Variants in KIAA2012 observed in about 807,000 individuals in gnomAD.
KIAA2012 encodes the protein KIAA2012, also known as uncharacterized protein KIAA2012.
Under a neutral mutation model 150.6 loss-of-function variants are expected in KIAA2012, and 125 were observed. The observed-to-expected ratio is 0.83, with a 90% CI of 0.72 to 0.96. KIAA2012 has a LOEUF of 0.96. Among genes scored for constraint, KIAA2012 ranks in the 40% least tolerant of loss-of-function variants. KIAA2012 has a pLI of 0.00. For missense variants in KIAA2012, 1,219 were observed against 1,354.9 expected, an observed-to-expected ratio of 0.90 and a Z score of 1.57; for synonymous variants, 462 against 504.7, an observed-to-expected ratio of 0.92 and a Z score of 1.13.
rs1016224737 is a variant in KIAA2012, at chr2:202,194,306, G to A, written c.3131G>A (p.Arg1044Gln). Residue 1044 changes from arginine (R) to glutamine (Q), a missense_variant, in exon 21 of 24, where the codon CGG becomes CAG. Transcript: ENST00000498697. ...GCCCGGCAACAGCAAGAGGAGTTTCGGAGGAAACTGCGAGAACTACAGAGA... is the reference window on the plus strand; with the variant it reads ...GCCCGGCAACAGCAAGAGGAGTTTCAGAGGAAACTGCGAGAACTACAGAGA... ...ERARQQQEEF[R>Q]RKLRELQRKK... The A allele has an allele frequency of 1.3e-5, 20 of 1,550,502 alleles. 1 individual carries two copies. Among genetic ancestry groups the A allele is most frequent in the African/African-American group, 5.5e-5 (4 of 73,126 alleles).
At chr2:202,201,843 A>G in intron 22 of KIAA2012, 1 of 1,282,798 alleles carries the variant, frequency 7.8e-7, no homozygotes, top group Non-Finnish European at 1.1e-6. Context: ...AGGAGGCTGC[A>G]CAGGCTAGGT....
intron 15 of KIAA2012, among the ~76,000 whole-genome samples, chr2:202,174,356 G>A (rs1012542096): frequency 6.6e-6 from 1 of 151,942 alleles, no homozygotes; most frequent in South Asian, 2.1e-4. Flanking sequence ...TAGCCAGAAC[G>A]GTAAAGAAAC....
chr2:202,197,825 C>T (rs1469290041), intron 22 of KIAA2012: 1 of 147,282 alleles, frequency 6.8e-6, no homozygotes, highest in Non-Finnish European at 1.5e-5. Context: ...AATCAAGTCA[C>T]CACACTCCAG....
Position 202,187,085 on chromosome 2 carries a change from C to T in KIAA2012, c.2363C>T (p.Ala788Val), listed in dbSNP as rs866829392. 6.5e-7 allele frequency: 1 copy of T among 1,550,328 alleles called. No homozygotes were observed. Among genetic ancestry groups the T allele is most frequent in the African/African-American group, 1.4e-5 (1 of 73,028 alleles). The stretch of plus-strand genomic sequence containing the variant: ...AGACTGTTTAGCCAGGAGACATCAG[C>T]CAACATCAGTCATGTGAGTGTAAAC... The part of the protein sequence containing the change: ...EPRLFSQETS[A>V]NISHERDLIN... Residue 788 changes from alanine (A) to valine (V), a missense_variant, in exon 17 of 24, where the codon GCC (alanine) becomes GTC (valine). Transcript: ENST00000498697.
At chr2:202,191,229 A>G (rs1466704791) in intron 19 of KIAA2012, among the ~76,000 whole-genome samples, 1 of 151,852 alleles carries the variant, frequency 6.6e-6, no homozygotes, top group Non-Finnish European at 1.5e-5. Flanking sequence ...GTGAGCCGAG[A>G]TCACACCACT....
At position 202,115,896 on chromosome 2, in the gene KIAA2012, A is replaced by T. The variant is rs1027919724; in HGVS notation, c.1762+2450A>T. On this transcript the variant is annotated intron_variant, in intron 11 of 23. Coordinates refer to ENST00000498697, the MANE Select transcript of KIAA2012 (RefSeq NM_001277372.4). ...TTCTTTCAGACAGCATAGGGAAATG[A>T]ATATAAACCTTCAGAAGGAAAAAAA... 3.0e-5 allele frequency: 4 copies of T among 135,370 alleles called. No individual in the cohort carries two copies. In the Admixed American group the frequency reaches 3.1e-4, roughly 10 times the overall value. The allele number at this position is 135,370 out of a possible 1,614,324, so 8.4% of individuals were successfully genotyped here.
intron 22 of KIAA2012, among the ~76,000 whole-genome samples, chr2:202,199,919 AAT>A (rs1692483015): frequency 3.2e-5 from 3 of 94,664 alleles, no homozygotes; most frequent in African/African-American, 1.3e-4. Flanking sequence ...TGCCCCTCAT[AAT>A]TTTTTTTTTT....
chr2:202,076,114 C>A (rs991793792), intron 2 of KIAA2012, among the ~76,000 whole-genome samples: 2 of 152,194 alleles, frequency 1.3e-5, no homozygotes, highest in African/African-American at 4.8e-5. Flanking sequence ...AACTTAAATA[C>A]CATCCCCTCA....
At chr2:202,203,792 C>T (rs1299878956) in intron 23 of KIAA2012, among the ~76,000 whole-genome samples, 6 of 146,086 alleles carry the variant, frequency 4.1e-5, no homozygotes, top group African/African-American at 1.0e-4. Flanking sequence ...TTTTTTGAGA[C>T]GGAGTCTCGC....
chr2:202,204,076 G>GT (rs143485165), intron 23 of KIAA2012, among the ~76,000 whole-genome samples: 78 of 139,438 alleles, frequency 5.6e-4, no homozygotes, highest in South Asian at 1.2e-3. Context: ...GCGGTTTTTT[G>GT]TTTTTTTTTT....
At chr2:202,102,885 C>A in intron 7 of KIAA2012, 61 bp from the exon 8 acceptor site, 1 of 1,450,046 alleles carries the variant, frequency 6.9e-7, no homozygotes, top group Non-Finnish European at 9.4e-7. Flanking sequence ...TATCGTTTGC[C>A]CCTGCAGGCA....
chr2:202,188,355 G>A (rs147778267), intron 18 of KIAA2012, 89 bp downstream of exon 18: 156 of 1,012,246 alleles, frequency 1.5e-4, no homozygotes, highest in African/African-American at 8.6e-4. Context: ...GGATCCTACC[G>A]GACAAACTCT....
intron 12 of KIAA2012, among the ~76,000 whole-genome samples, chr2:202,133,466 G>A (rs756734184): frequency 6.6e-6 from 1 of 152,044 alleles, no homozygotes; most frequent in South Asian, 2.1e-4. Flanking sequence ...CTAGACCCTT[G>A]AGACTTAGCT....
At chr2:202,177,776 A>G (rs1033457237) in intron 15 of KIAA2012, among the ~76,000 whole-genome samples, 3 of 152,168 alleles carry the variant, frequency 2.0e-5, no homozygotes, top group African/African-American at 4.8e-5. Context: ...ACCTCCCAAC[A>G]CTGCTGCATT....
In KIAA2012 at chr2:202,193,260, A is replaced by G. The variant is rs1373539166; in HGVS notation, c.2812-41A>G. On this transcript the variant is annotated intron_variant, in intron 19 of 23. Transcript: ENST00000498697. ...GGAGAAGGGCTCACTGCTGAGACAGACCCATCTGTTTATTGCACTGAGAAC... is the reference window on the plus strand; with the variant it reads ...GGAGAAGGGCTCACTGCTGAGACAGGCCCATCTGTTTATTGCACTGAGAAC... 6 of 1,530,912 alleles carry G rather than the reference A, an allele frequency of 3.9e-6. No individual in the cohort carries two copies. The East Asian group carries it at 7.3e-5, about 19-fold the overall frequency. 94.8% of individuals were successfully genotyped at this position (1,530,912 alleles called of 1,614,324 possible). A position where few individuals can be genotyped will look rare whatever the true frequency, so the allele number is the denominator to read the frequency against.
chr2:202,083,449 G>A (rs531282497), intron 2 of KIAA2012, among the ~76,000 whole-genome samples: 1 of 151,492 alleles, frequency 6.6e-6, no homozygotes, highest in East Asian at 2.0e-4. Flanking sequence ...ACATGCACAG[G>A]TGCAACGACA....
intron 2 of KIAA2012, among the ~76,000 whole-genome samples, chr2:202,084,356 CAGCCAGTGCGGGGGAAGGG>C (rs1689515202): frequency 6.6e-6 from 1 of 152,170 alleles, no homozygotes; most frequent in South Asian, 2.1e-4. Flanking sequence ...GTGGACAAGA[CAGCCAGTGCGGGGGAAGGG>C]ACAGTTACAC....
At chr2:202,144,895 A>C (rs1161353833) in intron 13 of KIAA2012, among the ~76,000 whole-genome samples, 1 of 152,232 alleles carries the variant, frequency 6.6e-6, no homozygotes, top group Non-Finnish European at 1.5e-5. Context: ...CAGAGATTGC[A>C]CTTGTTTTAT....
intron 1 of KIAA2012, among the ~76,000 whole-genome samples, chr2:202,074,539 G>T (rs1226477631): frequency 6.6e-6 from 1 of 152,156 alleles, no homozygotes; most frequent in Admixed American, 6.5e-5. Flanking sequence ...AGCTAGTCCA[G>T]GTCTAATTTC....
Sources: gnomAD v4.1 joint callset for allele counts (sites outside exome capture counted in the v4.1 genomes callset) on GRCh38, gnomAD v4.1.1 for gene constraint, MANE v1.5 for transcripts, NCBI Gene and HGNC (gene_info 2026-07-23, HGNC 2026-07-21) for gene names.